The following EPS8 variants were observed in gnomAD, a reference collection of about 807,000 sequenced individuals.
EPS8 encodes epidermal growth factor receptor kinase substrate 8.
In EPS8, 42 loss-of-function variants were observed where a neutral mutation model predicts 103.8. That is an observed-to-expected ratio of 0.40 (90% CI 0.32 to 0.52). The LOEUF is 0.52. EPS8 is among the 20% of genes least tolerant of loss of function. The pLI, the probability that EPS8 is intolerant of heterozygous loss-of-function variation, is 0.40. For missense variants in EPS8, 969 were observed against 1,005.1 expected (o/e 0.96, Z 0.49); for synonymous variants, 344 against 344.6 (o/e 1.00, Z 0.02).
intron 15 of EPS8, 134 bp downstream of exon 15, chr12:15,646,993 C>G (rs950711536): frequency 3.6e-6 from 3 of 829,570 alleles, no homozygotes; most frequent in Non-Finnish European, 3.5e-6. Context: ...AAAGGAACAA[C>G]TGAAACTTTA....
chr12:15,769,878 G>A lies in EPS8; in HGVS notation c.-22+19283C>T, dbSNP rs1947134947. On this transcript the variant is annotated intron_variant, in intron 1 of 20. Coordinates refer to ENST00000281172, the MANE Select transcript of EPS8 (RefSeq NM_004447.6). This position sits in a 1 kb window ranked among gnomAD's most constrained non-coding sequence, Gnocchi z 4.6. ...TATGCTGATTTTATTCTTAGCAGTT[G>A]AATAATACCCAAAATAGTTCCAGTG... is the stretch of plus-strand genomic sequence containing the variant. Among the ~76,000 whole-genome samples, 1 of 151,638 alleles carries A rather than the reference G, an allele frequency of 6.6e-6. No homozygotes were observed. The highest frequency in any genetic ancestry group is 2.1e-4 in the South Asian group (1 of 4,818).
rs1485479754 is a variant in EPS8, at chr12:15,767,927, C to T, written c.-22+21234G>A. Among the ~76,000 whole-genome samples, 5 of 152,130 alleles carry T rather than the reference C, an allele frequency of 3.3e-5. No homozygotes were observed. Among genetic ancestry groups the T allele is most frequent in the Non-Finnish European group, 7.3e-5 (5 of 68,028 alleles). The stretch of plus-strand genomic sequence containing the variant: ...GTTGTTATTTTACAAATAAAGTTTT[C>T]CATTCAATTTAGAATAATGTAAAGA... On this transcript the variant is annotated intron_variant, in intron 1 of 20. Coordinates refer to ENST00000281172, the MANE Select transcript of EPS8 (RefSeq NM_004447.6). This position sits in a 1 kb window ranked among gnomAD's most constrained non-coding sequence, Gnocchi z 5.5.
At chr12:15,657,109 C>T (rs1383954172) in intron 12 of EPS8, among the ~76,000 whole-genome samples, 2 of 152,296 alleles carry the variant, frequency 1.3e-5, no homozygotes, top group South Asian at 2.1e-4. Context: ...CAGGATGTGT[C>T]TTCCTGTTAC....
At chr12:15,709,776 C>A (rs1232267359) in intron 1 of EPS8, among the ~76,000 whole-genome samples, 2 of 152,182 alleles carry the variant, frequency 1.3e-5, no homozygotes, top group Non-Finnish European at 2.9e-5. Context: ...TGGTCCCCAG[C>A]CTTTTTGGCA....
At chr12:15,719,029 C>T (rs941326660) in intron 1 of EPS8, among the ~76,000 whole-genome samples, 10 of 151,562 alleles carry the variant, frequency 6.6e-5, no homozygotes, top group African/African-American at 1.9e-4. Flanking sequence ...GGGAAGGAAG[C>T]GAGGAAGGAA....
chr12:15,689,048 G>A (rs1471094811), intron 1 of EPS8, among the ~76,000 whole-genome samples: 3 of 152,134 alleles, frequency 2.0e-5, no homozygotes, highest in Admixed American at 6.5e-5. Flanking sequence ...CCCTGCGAGG[G>A]GGACAAAGGA....
intron 1 of EPS8, chr12:15,683,942 T>C (rs1946051492): frequency 6.6e-6 from 1 of 152,162 alleles, no homozygotes; most frequent in Non-Finnish European, 1.5e-5. Context: ...CCCAGCTTTA[T>C]GGGCCAAGGG....
chr12:15,655,332 T>C lies in EPS8; in HGVS notation c.1102-1039A>G, dbSNP rs115890357. 1.2e-3 allele frequency among the ~76,000 whole-genome samples: 188 copies of C among 152,306 alleles called. 1 individual carries two copies. The highest frequency in any genetic ancestry group is 4.3e-3 in the African/African-American group (179 of 41,576). On this transcript the variant is annotated intron_variant, in intron 12 of 20. Transcript: ENST00000281172. The stretch of plus-strand genomic sequence containing the variant: ...AACACATTACACTATTACACTGTAA[T>C]TTATGCATATTAGTAACACCCTACA...
Position 15,704,845 on chromosome 12 carries a change from T to C in EPS8, c.-21-21873A>G, listed in dbSNP as rs1300384768. Among the ~76,000 whole-genome samples the C allele has an allele frequency of 6.6e-6, 1 of 152,214 alleles. No homozygotes were observed. The highest frequency in any genetic ancestry group is 1.9e-4 in the East Asian group (1 of 5,200). On this transcript the variant is annotated intron_variant, in intron 1 of 20. Transcript: ENST00000281172. This position sits in a 1 kb window ranked among gnomAD's most constrained non-coding sequence, Gnocchi z 4.6. The stretch of plus-strand genomic sequence containing the variant: ...TCTGTAAGGCAAAGACTAGATCTTA[T>C]TGTAGCTGCCTCTGTTATGGGGATG...
chr12:15,696,741 C>G lies in EPS8; in HGVS notation c.-21-13769G>C, dbSNP rs564326685. 2.0e-5 allele frequency among the ~76,000 whole-genome samples: 3 copies of G among 152,148 alleles called. No homozygotes were observed. The South Asian group carries it at 6.2e-4, about 32-fold the overall frequency. On this transcript the variant is annotated intron_variant, in intron 1 of 20. Transcript: ENST00000281172. The surrounding 1 kb of genome is among the most constrained non-coding windows in gnomAD (Gnocchi z 4.8). ...AAGAAATGGGACTTTTTTTACATGTCCACTTTGAGGCCAGTGTCAATCTAT... is the reference window on the plus strand; with the variant it reads ...AAGAAATGGGACTTTTTTTACATGTGCACTTTGAGGCCAGTGTCAATCTAT...
Position 15,624,277 on chromosome 12 carries a change from G to A in EPS8, c.2175C>T (p.Ser725=). ...ACCACGTCTTCACATCCTCTGGTGT[G>A]GAGTCGTAAGTGATATTGATAACTG... ...NVPVINITYD[S]TPEDVKTWLQ... Residue 725 remains serine (S), a synonymous_variant, in exon 19 of 21, where the codon TCC becomes TCT. Transcript: ENST00000281172. 6.2e-7 allele frequency: 1 copy of A among 1,613,834 alleles called. No homozygotes were observed. The highest frequency in any genetic ancestry group is 8.5e-7 in the Non-Finnish European group (1 of 1,179,892).
chr12:15,722,630 G>C (rs1946609514), intron 1 of EPS8, among the ~76,000 whole-genome samples: 1 of 152,144 alleles, frequency 6.6e-6, no homozygotes, highest in Non-Finnish European at 1.5e-5. Context: ...CCTTATGCTG[G>C]GTAATTTGTA....
intron 1 of EPS8, among the ~76,000 whole-genome samples, chr12:15,710,563 T>C (rs1946448665): frequency 6.6e-6 from 1 of 152,200 alleles, no homozygotes; most frequent in South Asian, 2.1e-4. Flanking sequence ...ACAAGTTTTT[T>C]CTAATCAAAT....
At chr12:15,646,443 T>C (rs950362619) in intron 15 of EPS8, among the ~76,000 whole-genome samples, 7 of 152,154 alleles carry the variant, frequency 4.6e-5, no homozygotes, top group Admixed American at 4.6e-4. Context: ...AGATTTTACC[T>C]CCTTTTCTCT....
intron 13 of EPS8, among the ~76,000 whole-genome samples, chr12:15,653,417 C>T (rs1945449862): frequency 6.6e-6 from 1 of 152,024 alleles, no homozygotes; most frequent in African/African-American, 2.4e-5. Flanking sequence ...TCTCTATATG[C>T]TCATTTTAAT....
intron 17 of EPS8, among the ~76,000 whole-genome samples, chr12:15,639,025 G>A (rs893017792): frequency 2.8e-4 from 43 of 152,004 alleles, no homozygotes; most frequent in African/African-American, 8.0e-4. Context: ...TTATTTTATC[G>A]CAGTTTGCTT....
Position 15,749,284 on chromosome 12 carries a change from C to T in EPS8, c.-22+39877G>A, listed in dbSNP as rs2136016268. The stretch of plus-strand genomic sequence containing the variant: ...ATATAATATCCTTTTATAGCACTCG[C>T]TGTCTGTGGCATTTCATTGACAATT... On this transcript the variant is annotated intron_variant, in intron 1 of 20. Transcript: ENST00000281172. The surrounding 1 kb of genome is among the most constrained non-coding windows in gnomAD (Gnocchi z 4.0). Among the ~76,000 whole-genome samples, 1 of 152,248 alleles carries T rather than the reference C, an allele frequency of 6.6e-6. No individual in the cohort carries two copies. Among genetic ancestry groups the T allele is most frequent in the East Asian group, 1.9e-4 (1 of 5,188 alleles).
chr12:15,658,580 C>A lies in EPS8; in HGVS notation c.943G>T (p.Val315Phe). ...KGKRKGPGEG[V>F]LTLRAKPPPP... Reference sequence around the variant, plus strand: ...GGAGGTTTTGCCCGCAGCGTTAAAACACCCTCTAATGAAATAAGCGAGAGG... The same window carrying A: ...GGAGGTTTTGCCCGCAGCGTTAAAAAACCCTCTAATGAAATAAGCGAGAGG... Residue 315 changes from valine to phenylalanine, a missense_variant, in exon 11 of 21, where the codon GTT (valine) becomes TTT (phenylalanine). Coordinates refer to ENST00000281172, the MANE Select transcript of EPS8 (RefSeq NM_004447.6). 6.2e-7 allele frequency: 1 copy of A among 1,608,846 alleles called. No homozygotes were observed. Among genetic ancestry groups the A allele is most frequent in the African/African-American group, 1.3e-5 (1 of 74,902 alleles).
At position 15,760,829 on chromosome 12, in the gene EPS8, C is replaced by T. The variant is rs1409340229; in HGVS notation, c.-22+28332G>A. ...ATAATAAAAGCCATATATGACAGTCCCACAACTAGTATCATATTGAATGGG... is the reference window on the plus strand; with the variant it reads ...ATAATAAAAGCCATATATGACAGTCTCACAACTAGTATCATATTGAATGGG... On this transcript the variant is annotated intron_variant, in intron 1 of 20. Coordinates refer to ENST00000281172, the MANE Select transcript of EPS8 (RefSeq NM_004447.6). This position sits in a 1 kb window ranked among gnomAD's most constrained non-coding sequence, Gnocchi z 4.5. Among the ~76,000 whole-genome samples, 2 of 151,972 alleles carry T rather than the reference C, an allele frequency of 1.3e-5. No homozygotes were observed. Among genetic ancestry groups the T allele is most frequent in the Non-Finnish European group, 2.9e-5 (2 of 67,948 alleles).
Sources: gnomAD v4.1 joint callset for allele counts (sites outside exome capture counted in the v4.1 genomes callset) on GRCh38, gnomAD v4.1.1 for gene constraint, Gnocchi (gnomAD v3.1) non-coding constraint, MANE v1.5 for transcripts, NCBI Gene and HGNC (gene_info 2026-07-23, HGNC 2026-07-21) for gene names.